VTA1: variants seen among roughly 807,000 people sequenced by gnomAD.
VTA1 encodes the protein vacuolar protein sorting-associated protein VTA1 homolog.
A neutral mutation model predicts 36.9 loss-of-function variants in VTA1; 24 were observed. The observed-to-expected ratio is 0.65, with a 90% confidence interval of 0.47 to 0.91. The LOEUF (loss-of-function observed/expected upper bound fraction) is 0.91, where lower values mean the gene tolerates loss of function less well. VTA1 is among the 40% of genes least tolerant of loss of function. VTA1 has a pLI of 0.00. For synonymous variants in VTA1, 142 were observed against 130.2 expected, an observed-to-expected ratio of 1.09 and a Z score of -0.62; for missense variants, 393 against 377.2, an observed-to-expected ratio of 1.04 and a Z score of -0.35.
intron 4 of VTA1, among the ~76,000 whole-genome samples, chr6:142,177,060 C>T (rs79816655): frequency 0.026 from 3,904 of 152,272 alleles, 67 homozygotes; most frequent in Non-Finnish European, 0.042. Context: ...GCATTTATTC[C>T]TTACATACAC....
intron 1 of VTA1, among the ~76,000 whole-genome samples, chr6:142,162,158 G>A (rs1262867627): frequency 6.6e-6 from 1 of 152,220 alleles, no homozygotes; most frequent in Non-Finnish European, 1.5e-5. Context: ...TAAAGGACAA[G>A]AAGTGAATAT....
intron 7 of VTA1, among the ~76,000 whole-genome samples, chr6:142,216,081 C>T (rs1184853169): frequency 6.6e-6 from 1 of 152,018 alleles, no homozygotes; most frequent in Non-Finnish European, 1.5e-5. Context: ...GGTCCACTTG[C>T]ACCCTCTCTT....
chr6:142,160,054 CA>C (rs1209794008), intron 1 of VTA1, among the ~76,000 whole-genome samples: 3 of 152,128 alleles, frequency 2.0e-5, no homozygotes, highest in African/African-American at 7.2e-5. Flanking sequence ...GGCAGTAGGG[CA>C]TTGTGAATTT....
intron 4 of VTA1, among the ~76,000 whole-genome samples, chr6:142,186,244 C>T (rs1775337178): frequency 6.6e-6 from 1 of 152,000 alleles, no homozygotes; most frequent in South Asian, 2.1e-4. Context: ...GAAAAAAATG[C>T]ATAGCTGGGT....
At chr6:142,189,913 C>G (rs528470999) in intron 5 of VTA1, among the ~76,000 whole-genome samples, 3 of 152,102 alleles carry the variant, frequency 2.0e-5, no homozygotes, top group African/African-American at 7.2e-5. Flanking sequence ...CCTGCCACCA[C>G]GCCTGGCTAA....
At chr6:142,166,716 G>A (rs1035244488) in intron 2 of VTA1, among the ~76,000 whole-genome samples, 24 of 151,944 alleles carry the variant, frequency 1.6e-4, no homozygotes, top group African/African-American at 5.6e-4. Flanking sequence ...CCACCTCCCA[G>A]GTTCAAGCAA....
intron 5 of VTA1, 34 bp from the exon 6 acceptor site, chr6:142,198,405 C>G: frequency 6.3e-7 from 1 of 1,583,448 alleles, no homozygotes; most frequent in Non-Finnish European, 8.6e-7. Context: ...TTTCAAAATA[C>G]CTACTGTAAC....
intron 5 of VTA1, among the ~76,000 whole-genome samples, chr6:142,189,968 A>G (rs552235614): frequency 1.1e-4 from 17 of 152,256 alleles, no homozygotes; most frequent in African/African-American, 3.6e-4. Context: ...TGTGTTAGAC[A>G]GGATGGTCTC....
At chr6:142,190,853 G>A (rs1419408885) in intron 5 of VTA1, among the ~76,000 whole-genome samples, 1 of 152,190 alleles carries the variant, frequency 6.6e-6, no homozygotes, top group African/African-American at 2.4e-5. Flanking sequence ...GTAAAAAAAT[G>A]AGTGTGGTTG....
intron 1 of VTA1, among the ~76,000 whole-genome samples, chr6:142,148,401 A>C (rs1239108958): frequency 6.6e-6 from 1 of 152,124 alleles, no homozygotes; most frequent in Non-Finnish European, 1.5e-5. Flanking sequence ...TCTAACCCAA[A>C]TGTCACCACT....
chr6:142,194,817 ATCT>A (rs1379924260), intron 5 of VTA1, among the ~76,000 whole-genome samples: 3 of 152,082 alleles, frequency 2.0e-5, no homozygotes, highest in East Asian at 3.8e-4. Context: ...ATACTGAGAA[ATCT>A]TCTTTATTTC....
intron 5 of VTA1, among the ~76,000 whole-genome samples, chr6:142,191,366 A>C (rs1394910755): frequency 6.6e-6 from 1 of 152,112 alleles, no homozygotes; most frequent in East Asian, 1.9e-4. Context: ...CATTCTTTCC[A>C]TATCAGTAAC....
chr6:142,162,140 T>G (rs1774823529), intron 1 of VTA1, among the ~76,000 whole-genome samples: 1 of 152,230 alleles, frequency 6.6e-6, no homozygotes, highest in Non-Finnish European at 1.5e-5. Context: ...CTGGATTAGG[T>G]TAACTTCTAA....
At chr6:142,214,914 AG>A (rs2114689611) in intron 7 of VTA1, among the ~76,000 whole-genome samples, 1 of 152,288 alleles carries the variant, frequency 6.6e-6, no homozygotes, top group South Asian at 2.1e-4. Context: ...TACTGCTTCT[AG>A]TACTTATACC....
At chr6:142,163,294 G>A (rs1204285859) in intron 1 of VTA1, among the ~76,000 whole-genome samples, 2 of 151,992 alleles carry the variant, frequency 1.3e-5, no homozygotes, top group African/African-American at 4.8e-5. Context: ...TATATTCTAG[G>A]TAGTAGGGAG....
Position 142,218,694 on chromosome 6 carries a change from C to T in VTA1, c.*51C>T, listed in dbSNP as rs1291332317. ...TTTTTGGCATGAGGAACTAACAGTC[C>T]ATTACTCTATCTTCAGCCTATCAGG... On this transcript the variant is annotated 3_prime_UTR_variant, in exon 8 of 8. Coordinates refer to ENST00000367630, the MANE Select transcript of VTA1 (RefSeq NM_016485.5). 1.2e-5 allele frequency: 19 copies of T among 1,548,138 alleles called. No homozygotes were observed. The highest frequency in any genetic ancestry group is 5.6e-5 in the African/African-American group (4 of 71,454).
rs553901577 is a variant in VTA1 at position 142,187,417 on chromosome 6, A to G, written c.412-2009A>G. 2.0e-5 allele frequency among the ~76,000 whole-genome samples: 3 copies of G among 152,320 alleles called. No individual in the cohort carries two copies. In the East Asian group the frequency reaches 5.8e-4, roughly 29 times the overall value. ...GTAGACTAGGCAGTTGATATTAGCA[A>G]GAGCAATTCCTCAAATGAACTGACA... On this transcript the variant is annotated intron_variant, in intron 4 of 7. Transcript: ENST00000367630.
intron 4 of VTA1, among the ~76,000 whole-genome samples, chr6:142,181,439 A>T (rs1775236529): frequency 1.7e-5 from 2 of 120,654 alleles, no homozygotes; most frequent in Non-Finnish European, 1.6e-5. Flanking sequence ...GGCCTGACAC[A>T]CACACTTTTT....
intron 5 of VTA1, among the ~76,000 whole-genome samples, chr6:142,193,865 C>G (rs1775497593): frequency 1.3e-5 from 2 of 152,018 alleles, no homozygotes; most frequent in Non-Finnish European, 2.9e-5. Flanking sequence ...AGCTCTATGT[C>G]ACAATTTAGT....
Sources: allele counts gnomAD v4.1 joint callset (sites outside exome capture counted in the v4.1 genomes callset), GRCh38; gene constraint gnomAD v4.1.1; transcripts MANE v1.5; gene names NCBI Gene and HGNC (gene_info 2026-07-23, HGNC 2026-07-21).